Variants in CAMTA1 observed in about 807,000 individuals in gnomAD.
CAMTA1 encodes calmodulin-binding transcription activator 1.
Under a neutral mutation model 170.9 loss-of-function variants are expected in CAMTA1, and 27 were observed. The ratio of observed to expected loss-of-function variants is 0.16; its 90% CI spans 0.12 to 0.22. The LOEUF (loss-of-function observed/expected upper bound fraction) is 0.22, where lower values mean the gene tolerates loss of function less well. Ranked by LOEUF, CAMTA1 falls within the 10% of genes least tolerant of loss-of-function variation. The probability of loss-of-function intolerance (pLI) is 1.00; values close to 1 mark genes in which losing one functional copy is unlikely to be tolerated. For synonymous variants in CAMTA1, 833 were observed against 891.5 expected (o/e 0.93, Z 1.17); for missense variants, 1,619 against 2,217.2 (o/e 0.73, Z 5.42).
At chr1:7,089,234 A>G (rs529235428) in intron 3 of CAMTA1, among the ~76,000 whole-genome samples, 1 of 152,302 alleles carries the variant, frequency 6.6e-6, no homozygotes, top group African/African-American at 2.4e-5. Context: ...CCAGTTTCAT[A>G]GGAAACTGGT....
In CAMTA1 at chr1:6,933,769, T is replaced by C. The variant is rs538667726; in HGVS notation, c.234+108559T>C. ...TTGCATTTTGCCCCTTTGTAAGAAA[T>C]CATTTATCCATATATATGAAGGTCT... is the stretch of plus-strand genomic sequence containing the variant. On this transcript the variant is annotated intron_variant, in intron 3 of 22. Transcript: ENST00000303635. Among the ~76,000 whole-genome samples the C allele has an allele frequency of 6.6e-5, 10 of 152,024 alleles. No individual in the cohort carries two copies. In the South Asian group the frequency reaches 1.2e-3, roughly 19 times the overall value.
intron 3 of CAMTA1, among the ~76,000 whole-genome samples, chr1:7,021,911 C>T (rs1448805593): frequency 1.3e-5 from 2 of 152,154 alleles, no homozygotes; most frequent in East Asian, 1.9e-4. Context: ...AGTGCAACAG[C>T]CACCGCCGTT....
chr1:7,312,222 G>A (rs1282084823), intron 5 of CAMTA1, among the ~76,000 whole-genome samples: 1 of 151,930 alleles, frequency 6.6e-6, no homozygotes, highest in Non-Finnish European at 1.5e-5. Flanking sequence ...TTCTTTCATG[G>A]TTTTAGGCAC....
intron 4 of CAMTA1, among the ~76,000 whole-genome samples, chr1:7,162,707 C>T (rs1291516081): frequency 7.2e-5 from 11 of 152,072 alleles, no homozygotes; most frequent in Admixed American, 5.9e-4. Context: ...TTTATCAGCT[C>T]CTCAGTTGAT....
At chr1:7,424,116 G>C (rs533101876) in intron 5 of CAMTA1, among the ~76,000 whole-genome samples, 14 of 152,236 alleles carry the variant, frequency 9.2e-5, no homozygotes, top group African/African-American at 3.4e-4. Context: ...GTCCCCACGT[G>C]GGCTCTGTGC....
chr1:6,962,455 C>A (rs1378217003), intron 3 of CAMTA1, among the ~76,000 whole-genome samples: 5 of 148,826 alleles, frequency 3.4e-5, no homozygotes, highest in African/African-American at 9.9e-5. Context: ...CCCACCCTTT[C>A]CGTTTTGGTT....
chr1:6,971,678 G>A lies in CAMTA1; in HGVS notation c.235-119626G>A, dbSNP rs895781187. 4.6e-5 allele frequency among the ~76,000 whole-genome samples: 7 copies of A among 152,178 alleles called. No individual in the cohort carries two copies. Among genetic ancestry groups the A allele is most frequent in the African/African-American group, 1.7e-4 (7 of 41,444 alleles). Reference sequence around the variant, plus strand: ...GGGCAGGATAATGGTGTCTGTGGCTGGGATAAAAACCCCCATGACCATCCT... The same window carrying A: ...GGGCAGGATAATGGTGTCTGTGGCTAGGATAAAAACCCCCATGACCATCCT... On this transcript the variant is annotated intron_variant, in intron 3 of 22. Transcript: ENST00000303635. This position sits in a 1 kb window ranked among gnomAD's most constrained non-coding sequence, Gnocchi z 4.6.
At chr1:7,078,676 T>G (rs1639631208) in intron 3 of CAMTA1, among the ~76,000 whole-genome samples, 11 of 152,200 alleles carry the variant, frequency 7.2e-5, no homozygotes, top group Admixed American at 7.2e-4. Context: ...CTACAAACAA[T>G]GATAAAACTG....
At chr1:7,440,203 G>T (rs1410762225) in intron 5 of CAMTA1, among the ~76,000 whole-genome samples, 2 of 152,266 alleles carry the variant, frequency 1.3e-5, no homozygotes, top group Non-Finnish European at 2.9e-5. Flanking sequence ...GTGGGGAGAG[G>T]TGTCCACTTT....
At position 7,766,617 on chromosome 1, in the gene CAMTA1, A is replaced by C; in HGVS notation, c.*126A>C. On this transcript the variant is annotated 3_prime_UTR_variant, in exon 23 of 23. Coordinates refer to ENST00000303635, the MANE Select transcript of CAMTA1 (RefSeq NM_015215.4). ...CGCACACACACACACGTACACACAC[A>C]TACAAAATCCCTCTGCAGTTTTGGG... 2.5e-6 allele frequency: 2 copies of C among 794,264 alleles called. No individual in the cohort carries two copies. Among genetic ancestry groups the C allele is most frequent in the Non-Finnish European group, 2.1e-6 (1 of 473,280 alleles). 49.2% of individuals were successfully genotyped at this position (794,264 alleles called of 1,614,324 possible). A position where few individuals can be genotyped will look rare whatever the true frequency, so the allele number is the denominator to read the frequency against.
chr1:7,482,031 A>G lies in CAMTA1; in HGVS notation c.510+14130A>G, dbSNP rs2093546750. 6.6e-6 allele frequency among the ~76,000 whole-genome samples: 1 copy of G among 151,968 alleles called. No homozygotes were observed. Among genetic ancestry groups the G allele is most frequent in the Non-Finnish European group, 1.5e-5 (1 of 67,984 alleles). ...ACCACTGTTCTGATTTCTCCACTAT[A>G]GGTTCATTTTTTCTGTTCTAGAACT... On this transcript the variant is annotated intron_variant, in intron 6 of 22. Transcript: ENST00000303635. This position sits in a 1 kb window ranked among gnomAD's most constrained non-coding sequence, Gnocchi z 4.2.
At chr1:7,720,000 G>A (rs974765481) in intron 11 of CAMTA1, among the ~76,000 whole-genome samples, 3 of 152,202 alleles carry the variant, frequency 2.0e-5, no homozygotes, top group African/African-American at 7.2e-5. Context: ...GGTATTTGAC[G>A]ATTGCTTCTT....
chr1:6,785,522 AG>A lies in CAMTA1; in HGVS notation c.-7del. On this transcript the variant is annotated 5_prime_UTR_variant, in exon 1 of 23. Transcript: ENST00000303635. ...CGCGCTCGGGGTCCCGGTCGCGAGG[AG>A]GAGGAGGATGTGGCGCGCGGAGGGG... 9.5e-7 allele frequency: 1 copy of A among 1,056,940 alleles called. No homozygotes were observed. The highest frequency in any genetic ancestry group is 1.2e-6 in the Non-Finnish European group (1 of 866,202). The allele number at this position is 1,056,940 out of a possible 1,614,324, so 65.5% of individuals were successfully genotyped here.
intron 4 of CAMTA1, among the ~76,000 whole-genome samples, chr1:7,225,605 C>T (rs1327623260): frequency 6.6e-6 from 1 of 152,168 alleles, no homozygotes; most frequent in African/African-American, 2.4e-5. Context: ...GGCCGGCACC[C>T]CAGTGCAATG....
intron 3 of CAMTA1, among the ~76,000 whole-genome samples, chr1:6,913,843 G>C (rs1680210873): frequency 6.6e-6 from 1 of 151,996 alleles, no homozygotes; most frequent in African/African-American, 2.4e-5. Flanking sequence ...TGGTGGAAGG[G>C]ACTGCATGAG....
At chr1:7,627,363 A>G (rs910196102) in intron 6 of CAMTA1, among the ~76,000 whole-genome samples, 1 of 152,224 alleles carries the variant, frequency 6.6e-6, no homozygotes, top group Non-Finnish European at 1.5e-5. Flanking sequence ...GTTGCTCCAC[A>G]TGGAAGTTCC....
At chr1:7,211,815 A>T (rs1109149) in intron 4 of CAMTA1, among the ~76,000 whole-genome samples, 3 of 152,130 alleles carry the variant, frequency 2.0e-5, no homozygotes, top group African/African-American at 7.3e-5. Context: ...ATGTGTGAGG[A>T]TACATTCATA....
intron 1 of CAMTA1, among the ~76,000 whole-genome samples, chr1:6,816,835 T>A (rs1237135742): frequency 1.3e-5 from 2 of 152,198 alleles, no homozygotes; most frequent in Non-Finnish European, 2.9e-5. Flanking sequence ...GAAGTTGTCC[T>A]GTGAAAGTTC....
rs12134334 is a variant in CAMTA1, at chr1:7,456,687, C to T, written c.439-11143C>T. 6.6e-6 allele frequency among the ~76,000 whole-genome samples: 1 copy of T among 152,264 alleles called. No individual in the cohort carries two copies. The highest frequency in any genetic ancestry group is 2.4e-5 in the African/African-American group (1 of 41,534). On this transcript the variant is annotated intron_variant, in intron 5 of 22. Coordinates refer to ENST00000303635, the MANE Select transcript of CAMTA1 (RefSeq NM_015215.4). This position sits in a 1 kb window ranked among gnomAD's most constrained non-coding sequence, Gnocchi z 4.9. The stretch of plus-strand genomic sequence containing the variant: ...GGTATCAGGACAGATTTCTGAGACA[C>T]GAAAGGTGCAGGTCTCCAGCTCCCG...
Sources: gnomAD v4.1 joint callset for allele counts (sites outside exome capture counted in the v4.1 genomes callset) on GRCh38, gnomAD v4.1.1 for gene constraint, Gnocchi (gnomAD v3.1) non-coding constraint, MANE v1.5 for transcripts, NCBI Gene and HGNC (gene_info 2026-07-23, HGNC 2026-07-21) for gene names.